The following CNOT1 variants were observed in gnomAD, a reference collection of about 807,000 sequenced individuals.
CNOT1 encodes the protein CCR4-NOT transcription complex subunit 1, also known as CCR4-associated factor 1.
Under a neutral mutation model 273.8 loss-of-function variants are expected in CNOT1, and 15 were observed. That is an observed-to-expected ratio of 0.05 (90% CI 0.04 to 0.08). The LOEUF (loss-of-function observed/expected upper bound fraction) is 0.08. Among genes scored for constraint, CNOT1 ranks in the 10% least tolerant of loss-of-function variants. CNOT1 has a pLI of 1.00. For missense variants in CNOT1, 1,644 were observed against 2,912.2 expected, an observed-to-expected ratio of 0.56 and a Z score of 10.02; for synonymous variants, 1,022 against 1,005.5, an observed-to-expected ratio of 1.02 and a Z score of -0.31.
intron 25 of CNOT1, chr16:58,548,472 C>T: frequency 2.0e-6 from 1 of 509,758 alleles, no homozygotes; most frequent in Non-Finnish European, 3.9e-6. Flanking sequence ...ACCACCCTTG[C>T]TATCAGATAA....
chr16:58,577,932 TAA>T (rs1182420189), intron 13 of CNOT1, among the ~76,000 whole-genome samples: 1 of 150,636 alleles, frequency 6.6e-6, no homozygotes, highest in Admixed American at 6.6e-5. Flanking sequence ...AAATTAGAGG[TAA>T]AAAGCACAGG....
rs55921701 is a variant in CNOT1, at chr16:58,599,050, CAAAAAAA to C, written c.102+179_102+185del. 1.3e-4 allele frequency: 41 copies of C among 311,818 alleles called. 1 individual carries two copies. Among genetic ancestry groups the C allele is most frequent in the Admixed American group, 2.1e-4 (4 of 19,478 alleles). The allele number at this position is 311,818 out of a possible 1,614,324, so 19.3% of individuals were successfully genotyped here. A position where few individuals can be genotyped will look rare whatever the true frequency, so the allele number is the denominator to read the frequency against. On this transcript the variant is annotated intron_variant, in intron 2 of 48. Transcript: ENST00000317147. ...TGGACGACAGAGTAAGACTCTGTCT[CAAAAAAA>C]AAAAAAAAAAAAAGATTGGGCTAAG...
chr16:58,627,765 A>C (rs2043646307), intron 1 of CNOT1, among the ~76,000 whole-genome samples: 1 of 152,186 alleles, frequency 6.6e-6, no homozygotes, highest in Non-Finnish European at 1.5e-5. Context: ...AAAACTTCTA[A>C]GATTACAATC....
intron 21 of CNOT1, among the ~76,000 whole-genome samples, chr16:58,555,047 C>A (rs891285287): frequency 6.6e-6 from 1 of 151,344 alleles, no homozygotes; most frequent in Non-Finnish European, 1.5e-5. Context: ...CCTGTCTGTA[C>A]AAAAATTACA....
chr16:58,600,487 T>G (rs1380895510), intron 1 of CNOT1, among the ~76,000 whole-genome samples: 9 of 152,174 alleles, frequency 5.9e-5, no homozygotes, highest in Admixed American at 5.9e-4. Context: ...GGAAGGAACA[T>G]TCATCTCTCA....
Position 58,587,843 on chromosome 16 carries a change from A to T in CNOT1, c.246T>A (p.Ile82=). ...GCGTCGAGATAAAATTTGGCTTTGT[A>T]ATCAGCAACGCACACTCCTGAATCA... ...QFLIQECALL[I]TKPNFISTLS... Residue 82 remains isoleucine, a synonymous_variant, in exon 4 of 49, where the codon ATT becomes ATA. Coordinates refer to ENST00000317147, the MANE Select transcript of CNOT1 (RefSeq NM_016284.5). 1.2e-6 allele frequency: 2 copies of T among 1,613,810 alleles called. 1 individual carries two copies. Among genetic ancestry groups the T allele is most frequent in the South Asian group, 2.2e-5 (2 of 91,082 alleles).
chr16:58,607,565 A>G (rs1236374569), intron 1 of CNOT1, among the ~76,000 whole-genome samples: 1 of 151,810 alleles, frequency 6.6e-6, no homozygotes, highest in African/African-American at 2.4e-5. Flanking sequence ...CATCACTACT[A>G]AAAATACAAA....
chr16:58,606,002 C>T (rs186728023), intron 1 of CNOT1, among the ~76,000 whole-genome samples: 63 of 152,170 alleles, frequency 4.1e-4, no homozygotes, highest in Middle Eastern at 6.8e-3. Flanking sequence ...CTCAATTAAA[C>T]GATGCACAGT....
At chr16:58,590,210 C>G (rs2042006529) in intron 2 of CNOT1, among the ~76,000 whole-genome samples, 2 of 152,134 alleles carry the variant, frequency 1.3e-5, no homozygotes, top group South Asian at 4.1e-4. Flanking sequence ...TAAAATTTAC[C>G]ACCATCTATC....
At position 58,546,377 on chromosome 16, in the gene CNOT1, G is replaced by C. The variant is rs1297662617; in HGVS notation, c.3950C>G (p.Ser1317Cys). Residue 1317 changes from serine (S) to cysteine (C), a missense_variant, in exon 29 of 49, where the codon TCT (serine) becomes TGT (cysteine). Around this residue, in one of 13 missense-constraint regions of CNOT1, gnomAD observed 52 missense variants for 50.2 expected, o/e 1.04. Transcript: ENST00000317147. ...DRLKNLDEQL[S>C]APKKDVKQPE... ...CTGCTTGACATCTTTCTTTGGAGCA[G>C]AGAGTTGCTCATCTAAATTCTTCAG... The C allele has an allele frequency of 1.2e-6, 2 of 1,613,982 alleles. No homozygotes were observed. The highest frequency in any genetic ancestry group is 4.5e-5 in the East Asian group (2 of 44,856).
At chr16:58,554,092 T>C (rs2040544417) in intron 21 of CNOT1, among the ~76,000 whole-genome samples, 1 of 152,260 alleles carries the variant, frequency 6.6e-6, no homozygotes, top group East Asian at 1.9e-4. Flanking sequence ...GGCTATATTT[T>C]ACTTAAAAAT....
intron 30 of CNOT1, among the ~76,000 whole-genome samples, chr16:58,544,118 C>CT (rs903783983): frequency 7.9e-5 from 12 of 151,958 alleles, no homozygotes; most frequent in Non-Finnish European, 1.5e-4. Context: ...ATAGATATGT[C>CT]TTTTTTTTAA....
chr16:58,570,519 G>A (rs1218582430), intron 16 of CNOT1, among the ~76,000 whole-genome samples: 1 of 152,138 alleles, frequency 6.6e-6, no homozygotes, highest in Non-Finnish European at 1.5e-5. Flanking sequence ...CATGTTTGTG[G>A]TCCCAGCTAC....
chr16:58,589,990 GCTTTA>G (rs1235147098), intron 2 of CNOT1, among the ~76,000 whole-genome samples: 2 of 152,086 alleles, frequency 1.3e-5, no homozygotes, highest in African/African-American at 2.4e-5. Flanking sequence ...TCCTTATTCT[GCTTTA>G]CTTTTTCTCC....
intron 1 of CNOT1, among the ~76,000 whole-genome samples, chr16:58,612,007 C>CAACGG (rs2042919470): frequency 6.6e-6 from 1 of 150,776 alleles, no homozygotes; most frequent in African/African-American, 2.5e-5. Flanking sequence ...CTCTGTTATC[C>CAACGG]AGGCTGGAGT....
chr16:58,559,295 A>G (rs1335494655), intron 17 of CNOT1, among the ~76,000 whole-genome samples: 1 of 152,168 alleles, frequency 6.6e-6, no homozygotes, highest in Non-Finnish European at 1.5e-5. Context: ...TCTAATGAAC[A>G]ACACTTAAGA....
At chr16:58,628,367 A>G (rs2043672623) in intron 1 of CNOT1, among the ~76,000 whole-genome samples, 1 of 152,176 alleles carries the variant, frequency 6.6e-6, no homozygotes, top group Admixed American at 6.6e-5. Context: ...TCTGCTGCCA[A>G]TCTTTAAAAG....
At chr16:58,597,691 A>G in intron 2 of CNOT1, 1 of 504,706 alleles carries the variant, frequency 2.0e-6, no homozygotes, top group Non-Finnish European at 4.0e-6. Flanking sequence ...CTCCCACATG[A>G]CTCAGCCAGG....
At position 58,613,915 on chromosome 16, in the gene CNOT1, C is replaced by T. The variant is rs1402104568; in HGVS notation, c.-174-14404G>A. ...CATCCTGGCTAACATGGTGAAACCC[C>T]GTCTCTACTAAAAATACAAAAAAAA... On this transcript the variant is annotated intron_variant, in intron 1 of 48. Transcript: ENST00000317147. 9.3e-5 allele frequency among the ~76,000 whole-genome samples: 11 copies of T among 117,896 alleles called. 2 individuals are homozygous for T. Among genetic ancestry groups the T allele is most frequent in the Non-Finnish European group, 2.0e-4 (10 of 50,150 alleles). The allele number at this position is 117,896 out of a possible 152,430, so 77.3% of individuals were successfully genotyped here. A position where few individuals can be genotyped will look rare whatever the true frequency, so the allele number is the denominator to read the frequency against.
Sources: allele counts gnomAD v4.1 joint callset (sites outside exome capture counted in the v4.1 genomes callset), GRCh38; gene constraint gnomAD v4.1.1; regional missense constraint gnomAD v4.1.1; transcripts MANE v1.5; gene names NCBI Gene and HGNC (gene_info 2026-07-23, HGNC 2026-07-21).